Variants in PPP6R2 observed in about 807,000 individuals in gnomAD.
PPP6R2 encodes serine/threonine-protein phosphatase 6 regulatory subunit 2.
A neutral mutation model predicts 100.2 loss-of-function variants in PPP6R2; 62 were observed. The ratio of observed to expected loss-of-function variants is 0.62; its 90% CI spans 0.50 to 0.76. The LOEUF (loss-of-function observed/expected upper bound fraction) is 0.76. Among genes scored for constraint, PPP6R2 ranks in the 30% least tolerant of loss-of-function variants. The probability of loss-of-function intolerance (pLI) is 0.00; values close to 1 mark genes in which losing one functional copy is unlikely to be tolerated. For missense variants in PPP6R2, 1,142 were observed against 1,276.3 expected (o/e 0.89, Z 1.60); for synonymous variants, 525 against 514.7 (o/e 1.02, Z -0.27).
chr22:50,347,419 C>G (rs550028215), intron 1 of PPP6R2, among the ~76,000 whole-genome samples: 1 of 152,090 alleles, frequency 6.6e-6, no homozygotes, highest in African/African-American at 2.4e-5. Context: ...CTCCCCATCA[C>G]GGCTTGAGAT....
Position 50,443,851 on chromosome 22 carries a change from A to G in PPP6R2, c.2580-15A>G. The G allele has an allele frequency of 1.3e-6, 2 of 1,563,480 alleles. No individual in the cohort carries two copies. The highest frequency in any genetic ancestry group is 2.4e-5 in the East Asian group (1 of 42,382). ...GTGGGGGTGCCCGTAACCGGAGTCC[A>G]TGTTTGCCACACAGGGTCGGGTGTG... On this transcript the variant is annotated splice_polypyrimidine_tract_variant and intron_variant, in intron 22 of 23. Transcript: ENST00000612753.
chr22:50,351,026 G>GGTT (rs1386357403), intron 1 of PPP6R2, among the ~76,000 whole-genome samples: 2,653 of 80,624 alleles, frequency 0.033, 553 homozygotes, highest in African/African-American at 0.094. Flanking sequence ...TCTCAACAGT[G>GGTT]TTTTTTTTTT....
chr22:50,433,236 G>A (rs191172207), intron 12 of PPP6R2, among the ~76,000 whole-genome samples: 4,319 of 148,264 alleles, frequency 0.029, 32 homozygotes, highest in East Asian at 0.065. Flanking sequence ...CAGGGGGCGC[G>A]GACGCTGGGC....
intron 4 of PPP6R2, among the ~76,000 whole-genome samples, chr22:50,407,951 C>T (rs1367572466): frequency 6.6e-6 from 1 of 152,236 alleles, no homozygotes; most frequent in Non-Finnish European, 1.5e-5. Context: ...GGCTCCAACA[C>T]AGCCCACTGC....
At chr22:50,366,976 C>T (rs2048893693) in intron 1 of PPP6R2, among the ~76,000 whole-genome samples, 1 of 150,560 alleles carries the variant, frequency 6.6e-6, no homozygotes, top group Non-Finnish European at 1.5e-5. Context: ...CATTGCTTCC[C>T]TATGTTTTCT....
At chr22:50,411,385 C>T (rs1294568301) in intron 4 of PPP6R2, among the ~76,000 whole-genome samples, 1 of 151,706 alleles carries the variant, frequency 6.6e-6, no homozygotes, top group Non-Finnish European at 1.5e-5. Flanking sequence ...AACCTGAAGG[C>T]GGAGGTTGCA....
intron 1 of PPP6R2, among the ~76,000 whole-genome samples, chr22:50,351,010 A>G (rs1489644714): frequency 7.2e-6 from 1 of 138,402 alleles, no homozygotes; most frequent in Non-Finnish European, 1.5e-5. Flanking sequence ...TTTTCTGAGC[A>G]GTAGGTCTCA....
intron 2 of PPP6R2, among the ~76,000 whole-genome samples, chr22:50,373,185 C>T (rs2050656973): frequency 6.6e-6 from 1 of 151,474 alleles, no homozygotes; most frequent in South Asian, 2.1e-4. Context: ...TTACGAGGCT[C>T]TTCCATTGCA....
chr22:50,443,779 C>T lies in PPP6R2; in HGVS notation c.2580-87C>T, dbSNP rs2148507899. ...GATGGTGCTCCCAGGCCGCCTGGAC[C>T]TTTTTGTCCAGCTGGTCCTTGGGCA... On this transcript the variant is annotated intron_variant, in intron 22 of 23. Transcript: ENST00000612753. 8 of 1,475,670 alleles carry T rather than the reference C, an allele frequency of 5.4e-6. No individual in the cohort carries two copies. In the South Asian group the frequency reaches 6.7e-5, roughly 12 times the overall value. The allele number at this position is 1,475,670 out of a possible 1,614,324, so 91.4% of individuals were successfully genotyped here.
At chr22:50,347,236 C>T (rs2043982924) in intron 1 of PPP6R2, among the ~76,000 whole-genome samples, 2 of 151,966 alleles carry the variant, frequency 1.3e-5, no homozygotes, top group South Asian at 4.1e-4. Context: ...CCCATTAGTA[C>T]CCTGCCCTGC....
chr22:50,421,631 G>A (rs186939338), intron 8 of PPP6R2, among the ~76,000 whole-genome samples: 489 of 152,246 alleles, frequency 3.2e-3, no homozygotes, highest in Non-Finnish European at 5.4e-3. Flanking sequence ...ACCACAGGGG[G>A]TAGGCGCAGT....
In PPP6R2 at chr22:50,413,112, C is replaced by T. The variant is rs576746674; in HGVS notation, c.415-1440C>T. ...AGCTGGGATTACAGGCATGCACCAC[C>T]ACGCTTGGCTAATTTTGTATTTTTA... On this transcript the variant is annotated intron_variant, in intron 4 of 23. Coordinates refer to ENST00000612753, the MANE Select transcript of PPP6R2 (RefSeq NM_001242898.2). 7.8e-4 allele frequency among the ~76,000 whole-genome samples: 119 copies of T among 152,052 alleles called. No homozygotes were observed. In the Middle Eastern group the frequency reaches 0.01, roughly 13 times the overall value.
chr22:50,415,130 T>C (rs943771056), intron 5 of PPP6R2, among the ~76,000 whole-genome samples: 2 of 152,236 alleles, frequency 1.3e-5, no homozygotes, highest in Non-Finnish European at 2.9e-5. Context: ...GATGCGTCTG[T>C]TCTGATGGTG....
intron 15 of PPP6R2, among the ~76,000 whole-genome samples, chr22:50,437,281 G>A (rs1243401244): frequency 6.6e-6 from 1 of 152,244 alleles, no homozygotes; most frequent in East Asian, 1.9e-4. Context: ...AGATGGACTC[G>A]AAAGTCAGAG....
Position 50,349,888 on chromosome 22 carries a change from C to T in PPP6R2, c.-148+6338C>T, listed in dbSNP as rs980311020. The stretch of plus-strand genomic sequence containing the variant: ...CTGTAATCAGTTTGGGAGGCCGAGG[C>T]GGGTGGATCACCTGAGGTCAGGAGT... On this transcript the variant is annotated intron_variant, in intron 1 of 23. Transcript: ENST00000612753. 6.6e-5 allele frequency among the ~76,000 whole-genome samples: 10 copies of T among 150,556 alleles called. No homozygotes were observed. The South Asian group carries it at 1.0e-3, about 16-fold the overall frequency.
intron 2 of PPP6R2, among the ~76,000 whole-genome samples, chr22:50,387,361 C>T (rs2054463760): frequency 6.6e-6 from 1 of 152,212 alleles, no homozygotes; most frequent in East Asian, 1.9e-4. Context: ...GAGCCATGTG[C>T]CTCTTTTCAC....
chr22:50,431,428 C>G lies in PPP6R2; in HGVS notation c.1335+46C>G. The G allele has an allele frequency of 6.5e-7, 1 of 1,537,374 alleles. No individual in the cohort carries two copies. Among genetic ancestry groups the G allele is most frequent in the Non-Finnish European group, 8.9e-7 (1 of 1,122,758 alleles). The stretch of plus-strand genomic sequence containing the variant: ...TCTTATCAGCGCCAACTGCGCCCCA[C>G]TCAGACCGTGTCCATGTCAGCGCTG... On this transcript the variant is annotated intron_variant, in intron 11 of 23. Transcript: ENST00000612753. This position sits in a 1 kb window ranked among gnomAD's most constrained non-coding sequence, Gnocchi z 4.8.
intron 10 of PPP6R2, among the ~76,000 whole-genome samples, chr22:50,426,213 A>T (rs1315319814): frequency 6.6e-6 from 1 of 152,202 alleles, no homozygotes; most frequent in Non-Finnish European, 1.5e-5. Flanking sequence ...GTGGCCTCCC[A>T]AAGTGCTGGA....
intron 10 of PPP6R2, among the ~76,000 whole-genome samples, chr22:50,429,590 G>A (rs557715418): frequency 3.9e-5 from 6 of 152,254 alleles, no homozygotes; most frequent in Admixed American, 2.0e-4. Context: ...ATTCAGCTTT[G>A]GTATCAGAGG....
Sources: gnomAD v4.1 joint callset for allele counts (sites outside exome capture counted in the v4.1 genomes callset) on GRCh38, gnomAD v4.1.1 for gene constraint, Gnocchi (gnomAD v3.1) non-coding constraint, MANE v1.5 for transcripts, NCBI Gene and HGNC (gene_info 2026-07-23, HGNC 2026-07-21) for gene names.